Variants in PLEKHA2 observed in about 807,000 individuals in gnomAD.
PLEKHA2 encodes the protein pleckstrin homology domain containing A2.
PLEKHA2 carries 28 observed loss-of-function variants against 53.2 expected under a neutral mutation model. The ratio of observed to expected loss-of-function variants is 0.53; its 90% CI spans 0.39 to 0.72. The LOEUF (loss-of-function observed/expected upper bound fraction) is 0.72. Among genes scored for constraint, PLEKHA2 ranks in the 30% least tolerant of loss-of-function variants. The pLI is 0.00. For missense variants in PLEKHA2, 426 were observed against 537.9 expected (o/e 0.79, Z 2.06); for synonymous variants, 193 against 196.4 (o/e 0.98, Z 0.14).
In PLEKHA2 at chr8:38,946,167, T is replaced by C. The variant is rs1247859714; in HGVS notation, c.291T>C (p.Asp97=). ...LSQRYFLQAN[D]QKDMKDWVEA... Reference sequence around the variant, plus strand: ...AGAGATATTTCCTTCAAGCCAATGATCAGAAAGATATGAAGGACTGGGTTG... The same window carrying C: ...AGAGATATTTCCTTCAAGCCAATGACCAGAAAGATATGAAGGACTGGGTTG... Residue 97 remains aspartate (D), a synonymous_variant, in exon 5 of 12, where the codon GAT becomes GAC. Transcript: ENST00000617275. 2.5e-6 allele frequency: 4 copies of C among 1,609,092 alleles called. No individual in the cohort carries two copies.
At chr8:38,950,137 G>A (rs1472963933) in intron 5 of PLEKHA2, among the ~76,000 whole-genome samples, 1 of 152,114 alleles carries the variant, frequency 6.6e-6, no homozygotes, top group African/African-American at 2.4e-5. Flanking sequence ...CAATTCCTGG[G>A]CTCAAGAGAT....
At chr8:38,968,242 G>A (rs567220751) in intron 10 of PLEKHA2, among the ~76,000 whole-genome samples, 1 of 152,138 alleles carries the variant, frequency 6.6e-6, no homozygotes, top group Non-Finnish European at 1.5e-5. Context: ...TGGCTTTCTG[G>A]GCCTCATTTT....
intron 2 of PLEKHA2, among the ~76,000 whole-genome samples, chr8:38,919,404 C>T (rs557133345): frequency 6.6e-6 from 1 of 152,282 alleles, no homozygotes; most frequent in East Asian, 1.9e-4. Flanking sequence ...CTCTTTCCTT[C>T]CCCTACCCTT....
rs1464867090 is a variant in PLEKHA2, at chr8:38,969,670, C to T, written c.1165C>T (p.Pro389Ser). 1.1e-5 allele frequency: 18 copies of T among 1,587,354 alleles called. No homozygotes were observed. The highest frequency in any genetic ancestry group is 3.6e-5 in the Admixed American group (2 of 55,732). ...GCCTCGTCCTGGGGAGGGCAGCGCT[C>T]CTGGGGTGCTGCCCAGCTCCCGGAT... is the stretch of plus-strand genomic sequence containing the variant. ...FTPRPGEGSA[P>S]GVLPSSRIRH... The change falls in exon 12 of 12, where the codon CCT becomes TCT. Residue 389 changes from proline (P) to serine (S), a missense_variant. Pro to Ser is a moderately conservative substitution (Grantham distance 74, BLOSUM62 -1). Coordinates refer to ENST00000617275, the MANE Select transcript of PLEKHA2 (RefSeq NM_021623.2).
At chr8:38,906,653 A>C (rs112377243) in intron 1 of PLEKHA2, among the ~76,000 whole-genome samples, 2 of 152,264 alleles carry the variant, frequency 1.3e-5, no homozygotes, top group African/African-American at 4.8e-5. Flanking sequence ...ATCTGCTATC[A>C]TGACAGTTTC....
rs71216697 is a variant in PLEKHA2 at position 38,933,790 on chromosome 8, A to AAAAAAAAAAAAAAAAGAAAAG, written c.142-2200_142-2199insAAAAAAAAAAAGAAAAGAAAA. Among the ~76,000 whole-genome samples, 117 of 90,632 alleles carry AAAAAAAAAAAAAAAAGAAAAG rather than the reference A, an allele frequency of 1.3e-3. 3 individuals carry two copies. The highest frequency in any genetic ancestry group is 4.4e-3 in the African/African-American group (114 of 25,966). 59.5% of individuals were successfully genotyped at this position (90,632 alleles called of 152,430 possible). A position where few individuals can be genotyped will look rare whatever the true frequency, so the allele number is the denominator to read the frequency against. ...AATAGAGGTTTCCTAAAAAAAAAAA[A>AAAAAAAAAAAAAAAAGAAAAG]AAAAGAAAAGAAAGAAAAGCAGTCG... is the stretch of plus-strand genomic sequence containing the variant. On this transcript the variant is annotated intron_variant, in intron 2 of 11. Coordinates refer to ENST00000617275, the MANE Select transcript of PLEKHA2 (RefSeq NM_021623.2).
chr8:38,948,989 G>A (rs1834771849), intron 5 of PLEKHA2, among the ~76,000 whole-genome samples: 1 of 152,104 alleles, frequency 6.6e-6, no homozygotes, highest in African/African-American at 2.4e-5. Context: ...TCCTGCCTCA[G>A]CCTCCTGAGT....
At position 38,969,757 on chromosome 8, in the gene PLEKHA2, G is replaced by GA; in HGVS notation, c.1256dup (p.Asn419LysfsTer6). On this transcript the variant is annotated frameshift_variant, in exon 12 of 12. Coordinates refer to ENST00000617275, the MANE Select transcript of PLEKHA2 (RefSeq NM_021623.2). LOFTEE classifies it high-confidence loss of function. ...GCCGTTTATGTTCAACCTTGATGAT[G>GA]AAAACATACGGACCTCTGATGTGTG... 1 of 1,294,956 alleles carries GA rather than the reference G, an allele frequency of 7.7e-7. No individual in the cohort carries two copies. The highest frequency in any genetic ancestry group is 1.0e-6 in the Non-Finnish European group (1 of 985,762). 80.2% of individuals were successfully genotyped at this position (1,294,956 alleles called of 1,614,324 possible). A position where few individuals can be genotyped will look rare whatever the true frequency, so the allele number is the denominator to read the frequency against.
intron 2 of PLEKHA2, among the ~76,000 whole-genome samples, chr8:38,921,067 CT>C (rs1484411801): frequency 6.6e-6 from 1 of 152,226 alleles, no homozygotes; most frequent in African/African-American, 2.4e-5. Flanking sequence ...TCCCAAAGTG[CT>C]GGGATTACAG....
chr8:38,914,793 G>A (rs1231757069), intron 1 of PLEKHA2, among the ~76,000 whole-genome samples: 3 of 152,238 alleles, frequency 2.0e-5, no homozygotes, highest in Non-Finnish European at 4.4e-5. Flanking sequence ...TTGGCTCTCA[G>A]AGAGGCCTAA....
rs1242368593 is a variant in PLEKHA2, at chr8:38,971,468, C to T, written c.*1685C>T. On this transcript the variant is annotated 3_prime_UTR_variant, in exon 12 of 12. Transcript: ENST00000617275. ...TTATAGCTCCTTAGCTCTGGTTTTA[C>T]TCTCGTATTTTCCCCAAGAAAATTT... 1 of 152,210 alleles carries T rather than the reference C, an allele frequency of 6.6e-6. No homozygotes were observed. Among genetic ancestry groups the T allele is most frequent in the African/African-American group, 2.4e-5 (1 of 41,432 alleles). The allele number at this position is 152,210 out of a possible 1,614,324, so 9.4% of individuals were successfully genotyped here.
chr8:38,950,741 C>A, intron 5 of PLEKHA2, 109 bp from the exon 6 acceptor site: 2 of 1,381,346 alleles, frequency 1.4e-6, no homozygotes, highest in Non-Finnish European at 2.0e-6. Context: ...GCAAGTCTGA[C>A]TGTAATTTGG....
At chr8:38,939,952 G>A (rs1470759777) in intron 3 of PLEKHA2, among the ~76,000 whole-genome samples, 1 of 152,032 alleles carries the variant, frequency 6.6e-6, no homozygotes, top group Non-Finnish European at 1.5e-5. Context: ...AAATTTAGCT[G>A]AGCATGGTGG....
At chr8:38,918,304 A>G (rs987553261) in intron 2 of PLEKHA2, among the ~76,000 whole-genome samples, 3 of 149,914 alleles carry the variant, frequency 2.0e-5, no homozygotes, top group Non-Finnish European at 4.5e-5. Context: ...CACCTTATAC[A>G]CACACACCAC....
In PLEKHA2 at chr8:38,969,677, T is replaced by C; in HGVS notation, c.1172T>C (p.Val391Ala). The change falls in exon 12 of 12, where the codon GTG (valine) becomes GCG (alanine). Residue 391 changes from valine to alanine, a missense_variant. Physicochemically the swap from Val to Ala is moderately conservative, Grantham distance 64. Transcript: ENST00000617275. Reference sequence around the variant, plus strand: ...CCTGGGGAGGGCAGCGCTCCTGGGGTGCTGCCCAGCTCCCGGATAAGGCAC... The same window carrying C: ...CCTGGGGAGGGCAGCGCTCCTGGGGCGCTGCCCAGCTCCCGGATAAGGCAC... Reference protein sequence around the residue: ...PRPGEGSAPGVLPSSRIRHRS... With the variant: ...PRPGEGSAPGALPSSRIRHRS... 1 of 1,582,754 alleles carries C rather than the reference T, an allele frequency of 6.3e-7. No homozygotes were observed.
At chr8:38,951,618 C>T (rs1483733677) in intron 6 of PLEKHA2, among the ~76,000 whole-genome samples, 2 of 151,964 alleles carry the variant, frequency 1.3e-5, no homozygotes, top group African/African-American at 4.8e-5. Context: ...TCAAGTGATC[C>T]TCCCACCTCA....
intron 1 of PLEKHA2, among the ~76,000 whole-genome samples, chr8:38,916,373 A>AT (rs1405892913): frequency 1.3e-5 from 2 of 152,124 alleles, no homozygotes; most frequent in Non-Finnish European, 2.9e-5. Flanking sequence ...CTTTCTAACT[A>AT]TTTTTTGTAC....
At chr8:38,950,553 G>A (rs905284718) in intron 5 of PLEKHA2, 1 of 269,746 alleles carries the variant, frequency 3.7e-6, no homozygotes, top group Non-Finnish European at 7.0e-6. Context: ...CGTGAAGGTG[G>A]GGACCCACGT....
At chr8:38,943,105 G>A (rs1227769821) in intron 3 of PLEKHA2, among the ~76,000 whole-genome samples, 2 of 152,172 alleles carry the variant, frequency 1.3e-5, no homozygotes, top group African/African-American at 4.8e-5. Context: ...AGGGTTGGCG[G>A]TTGAAAGAGG....
Sources: gnomAD v4.1 joint callset for allele counts (sites outside exome capture counted in the v4.1 genomes callset) on GRCh38, gnomAD v4.1.1 for gene constraint, MANE v1.5 for transcripts, NCBI Gene and HGNC (gene_info 2026-07-23, HGNC 2026-07-21) for gene names.